The following FRMD4A variants were observed in gnomAD, a reference collection of about 807,000 sequenced individuals.
FRMD4A encodes the protein FERM domain-containing protein 4A.
In FRMD4A, 29 loss-of-function variants were observed where a neutral mutation model predicts 129.1. The observed-to-expected ratio is 0.22, with a 90% CI of 0.17 to 0.31. The LOEUF is 0.31. FRMD4A is among the 10% of genes least tolerant of loss of function. The pLI, the probability that FRMD4A is intolerant of heterozygous loss-of-function variation, is 1.00. For synonymous variants in FRMD4A, 634 were observed against 571.6 expected, an observed-to-expected ratio of 1.11 and a Z score of -1.56; for missense variants, 1,272 against 1,375.8, an observed-to-expected ratio of 0.92 and a Z score of 1.19.
At chr10:14,037,893 C>T (rs936104968) in intron 2 of FRMD4A, among the ~76,000 whole-genome samples, 18 of 152,170 alleles carry the variant, frequency 1.2e-4, no homozygotes, top group African/African-American at 3.9e-4. Flanking sequence ...TCCCCAAGAC[C>T]AATTCCCTTT....
rs1564557771 is a variant in FRMD4A, at chr10:13,666,406, G to A, written c.1375-81C>T. On this transcript the variant is annotated intron_variant, in intron 17 of 24. Transcript: ENST00000357447. Reference sequence around the variant, plus strand: ...TCATCCTTCCCTCCCCTGTCCCAAGGCAAGTCCAGTTCCATGGGAGACACT... The same window carrying A: ...TCATCCTTCCCTCCCCTGTCCCAAGACAAGTCCAGTTCCATGGGAGACACT... 7 of 969,202 alleles carry A rather than the reference G, an allele frequency of 7.2e-6. No individual in the cohort carries two copies. The East Asian group carries it at 9.7e-5, about 13-fold the overall frequency. The allele number at this position is 969,202 out of a possible 1,614,324, so 60.0% of individuals were successfully genotyped here. A position where few individuals can be genotyped will look rare whatever the true frequency, so the allele number is the denominator to read the frequency against.
chr10:13,907,642 A>G (rs1488760440), intron 2 of FRMD4A, among the ~76,000 whole-genome samples: 1 of 152,146 alleles, frequency 6.6e-6, no homozygotes, highest in Non-Finnish European at 1.5e-5. Context: ...GGCCTGCCCA[A>G]TGGCTCCTAG....
At chr10:14,235,288 C>T (rs865944497) in intron 2 of FRMD4A, among the ~76,000 whole-genome samples, 2 of 94,426 alleles carry the variant, frequency 2.1e-5, no homozygotes, top group Non-Finnish European at 4.7e-5. Flanking sequence ...CAGCTGAGTC[C>T]CTGGTGCCCG....
chr10:13,752,728 A>G (rs574430300), intron 8 of FRMD4A, among the ~76,000 whole-genome samples: 1 of 152,210 alleles, frequency 6.6e-6, no homozygotes, highest in Non-Finnish European at 1.5e-5. Flanking sequence ...TCAAGTTCTC[A>G]GGGGCGGGAT....
At chr10:14,185,657 TAGCTGTGC>T (rs1381161861) in intron 2 of FRMD4A, among the ~76,000 whole-genome samples, 1 of 152,176 alleles carries the variant, frequency 6.6e-6, no homozygotes, top group East Asian at 1.9e-4. Context: ...GGGCGGTTGT[TAGCTGTGC>T]AGATGAGCAG....
At chr10:13,843,469 A>G (rs1396052631) in intron 3 of FRMD4A, among the ~76,000 whole-genome samples, 1 of 152,110 alleles carries the variant, frequency 6.6e-6, no homozygotes, top group Non-Finnish European at 1.5e-5. Flanking sequence ...CCTCTATGAT[A>G]AAAAGAGTCA....
chr10:13,686,384 C>T (rs945707944), intron 15 of FRMD4A, among the ~76,000 whole-genome samples: 1 of 152,230 alleles, frequency 6.6e-6, no homozygotes, highest in South Asian at 2.1e-4. Flanking sequence ...AGCCTATCAG[C>T]TCCCCTCTCT....
At chr10:14,225,785 G>GT (rs1212902602) in intron 2 of FRMD4A, among the ~76,000 whole-genome samples, 1 of 152,210 alleles carries the variant, frequency 6.6e-6, no homozygotes, top group African/African-American at 2.4e-5. Context: ...ACAGACATGT[G>GT]TATCTGTTCT....
rs181309127 is a variant in FRMD4A, at chr10:14,136,373, C to G, written c.45+193685G>C. ...TTGAGATGTTAACCCCAAAACAGTTCTGTTGAATTTCACCCTTGAAATGTA... is the reference window on the plus strand; with the variant it reads ...TTGAGATGTTAACCCCAAAACAGTTGTGTTGAATTTCACCCTTGAAATGTA... On this transcript the variant is annotated intron_variant, in intron 2 of 24. Transcript: ENST00000357447. Among the ~76,000 whole-genome samples the G allele has an allele frequency of 1.4e-4, 21 of 152,288 alleles. No individual in the cohort carries two copies. The East Asian group carries it at 4.1e-3, about 29-fold the overall frequency.
intron 5 of FRMD4A, among the ~76,000 whole-genome samples, chr10:13,789,358 C>G (rs1334115145): frequency 6.6e-6 from 1 of 152,162 alleles, no homozygotes; most frequent in African/African-American, 2.4e-5. Context: ...GACTTCTCCT[C>G]TCTTATTTTT....
At chr10:14,100,577 G>C (rs1490472411) in intron 2 of FRMD4A, among the ~76,000 whole-genome samples, 1 of 152,054 alleles carries the variant, frequency 6.6e-6, no homozygotes, top group African/African-American at 2.4e-5. Flanking sequence ...TCTAGGATCT[G>C]GGATATTTTA....
chr10:13,667,480 C>T (rs2083152953), intron 17 of FRMD4A: 1 of 152,268 alleles, frequency 6.6e-6, no homozygotes, highest in Non-Finnish European at 1.5e-5. Context: ...AAGAATGAAG[C>T]TGTGGCTGTC....
intron 2 of FRMD4A, among the ~76,000 whole-genome samples, chr10:13,978,939 C>T (rs1379807417): frequency 6.6e-6 from 1 of 152,130 alleles, no homozygotes; most frequent in East Asian, 1.9e-4. Flanking sequence ...ACAAGTGATC[C>T]TATGGCCATA....
chr10:14,015,728 T>C (rs1353082850), intron 2 of FRMD4A, among the ~76,000 whole-genome samples: 1 of 152,254 alleles, frequency 6.6e-6, no homozygotes, highest in African/African-American at 2.4e-5. Flanking sequence ...ACATCATTCA[T>C]TCAACCATTA....
intron 2 of FRMD4A, among the ~76,000 whole-genome samples, chr10:14,272,303 A>G (rs1384977076): frequency 6.6e-6 from 1 of 152,070 alleles, no homozygotes; most frequent in Non-Finnish European, 1.5e-5. Context: ...CCCCACAACC[A>G]TTGGCCAGAA....
chr10:14,069,697 A>G (rs748481485), intron 2 of FRMD4A, among the ~76,000 whole-genome samples: 4 of 152,220 alleles, frequency 2.6e-5, no homozygotes, highest in Admixed American at 6.5e-5. Context: ...TTTACTTAAT[A>G]ATATGATTTA....
chr10:13,924,891 C>T (rs1033956803), intron 2 of FRMD4A, among the ~76,000 whole-genome samples: 1 of 151,660 alleles, frequency 6.6e-6, no homozygotes, highest in Admixed American at 6.6e-5. Context: ...GGTGAAACCC[C>T]GTCTCTACTA....
At chr10:14,000,873 T>A (rs1291040243) in intron 2 of FRMD4A, among the ~76,000 whole-genome samples, 1 of 152,048 alleles carries the variant, frequency 6.6e-6, no homozygotes, top group Non-Finnish European at 1.5e-5. Context: ...CTCTATGACT[T>A]CGGAAGGCCT....
intron 24 of FRMD4A, among the ~76,000 whole-genome samples, chr10:13,650,743 A>G (rs1182887624): frequency 1.3e-5 from 2 of 152,034 alleles, no homozygotes; most frequent in Non-Finnish European, 2.9e-5. Context: ...TTTTTTCTCT[A>G]CAGGAAACAA....
Sources: allele counts gnomAD v4.1 joint callset (sites outside exome capture counted in the v4.1 genomes callset), GRCh38; gene constraint gnomAD v4.1.1; transcripts MANE v1.5; gene names NCBI Gene and HGNC (gene_info 2026-07-23, HGNC 2026-07-21).